The following NRXN1 variants were observed in gnomAD, a reference collection of about 807,000 sequenced individuals.
NRXN1 encodes neurexin 1.
Under a neutral mutation model 150.9 loss-of-function variants are expected in NRXN1, and 39 were observed. The observed-to-expected ratio is 0.26, with a 90% CI of 0.20 to 0.34. NRXN1 has a LOEUF of 0.34. NRXN1 is among the 10% of genes least tolerant of loss of function. NRXN1 has a pLI of 1.00. For missense variants in NRXN1, 1,815 were observed against 1,949.9 expected (o/e 0.93, Z 1.30); for synonymous variants, 924 against 757.0 (o/e 1.22, Z -3.62).
chr2:49,980,587 T>C (rs1176548052), intron 21 of NRXN1, among the ~76,000 whole-genome samples: 5 of 152,134 alleles, frequency 3.3e-5, no homozygotes, highest in African/African-American at 9.7e-5. Flanking sequence ...AGATAAAGTA[T>C]GAAGTATTTT....
At chr2:50,942,136 C>A (rs992668185) in intron 2 of NRXN1, among the ~76,000 whole-genome samples, 1 of 152,198 alleles carries the variant, frequency 6.6e-6, no homozygotes, top group Non-Finnish European at 1.5e-5. Flanking sequence ...CAAGCCTTGG[C>A]AGCTTCCACA....
intron 21 of NRXN1, among the ~76,000 whole-genome samples, chr2:49,951,294 G>A (rs990160943): frequency 3.3e-5 from 5 of 151,780 alleles, no homozygotes; most frequent in African/African-American, 1.2e-4. Flanking sequence ...TACAAATAAG[G>A]AACCTGCTGT....
intron 19 of NRXN1, among the ~76,000 whole-genome samples, chr2:50,056,766 T>C (rs1448200711): frequency 2.0e-5 from 3 of 152,032 alleles, no homozygotes; most frequent in Non-Finnish European, 2.9e-5. Context: ...TGATTTTATA[T>C]AATAAGCATG....
intron 17 of NRXN1, among the ~76,000 whole-genome samples, chr2:50,439,036 G>T (rs565423146): frequency 1.3e-5 from 2 of 152,074 alleles, no homozygotes; most frequent in African/African-American, 4.8e-5. Context: ...CCTCACAGTC[G>T]GCAGGGGCCA....
chr2:50,984,430 C>A (rs1697357813), intron 2 of NRXN1, among the ~76,000 whole-genome samples: 1 of 151,838 alleles, frequency 6.6e-6, no homozygotes, highest in Non-Finnish European at 1.5e-5. Context: ...TTTATGTGGT[C>A]CATTACCGAA....
chr2:50,432,057 G>A (rs879474602), intron 17 of NRXN1, among the ~76,000 whole-genome samples: 3 of 151,630 alleles, frequency 2.0e-5, no homozygotes, highest in African/African-American at 4.8e-5. Flanking sequence ...CTTGCCAAAA[G>A]TATTGCTCGA....
chr2:50,598,411 A>G (rs1345020291), intron 8 of NRXN1, among the ~76,000 whole-genome samples: 1 of 151,712 alleles, frequency 6.6e-6, no homozygotes, highest in African/African-American at 2.4e-5. Context: ...TTAAAAAAAT[A>G]AAAAATAAAA....
chr2:50,175,571 G>C (rs1484997719), intron 18 of NRXN1, among the ~76,000 whole-genome samples: 3 of 151,626 alleles, frequency 2.0e-5, no homozygotes, highest in African/African-American at 7.3e-5. Flanking sequence ...ATACACAAAA[G>C]AATATATGTG....
intron 5 of NRXN1, among the ~76,000 whole-genome samples, chr2:50,888,332 C>G (rs190394451): frequency 2.1e-4 from 32 of 151,612 alleles, no homozygotes; most frequent in African/African-American, 7.5e-4. Flanking sequence ...TAATTGGAGG[C>G]AGGTGAAATT....
intron 5 of NRXN1, among the ~76,000 whole-genome samples, chr2:50,893,790 C>T (rs981570185): frequency 3.3e-5 from 5 of 151,522 alleles, no homozygotes; most frequent in African/African-American, 9.7e-5. Flanking sequence ...AGGATTTTTT[C>T]AACAATTTAT....
At chr2:50,131,427 C>T (rs1384607474) in intron 18 of NRXN1, among the ~76,000 whole-genome samples, 1 of 152,106 alleles carries the variant, frequency 6.6e-6, no homozygotes, top group Non-Finnish European at 1.5e-5. Context: ...CTTGTAAACC[C>T]TAACAAGGTC....
intron 22 of NRXN1, among the ~76,000 whole-genome samples, chr2:49,940,871 T>A (rs1671859871): frequency 6.6e-6 from 1 of 152,166 alleles, no homozygotes; most frequent in Non-Finnish European, 1.5e-5. Flanking sequence ...CAGTGAATGA[T>A]CCCATTAACA....
rs1683554308 is a variant in NRXN1, at chr2:49,999,497, A to T, written c.4128+53774T>A. On this transcript the variant is annotated intron_variant, in intron 21 of 22. Transcript: ENST00000401669. The stretch of plus-strand genomic sequence containing the variant: ...TTTTTTGAAACTATACCTTGCTCAA[A>T]AATGGTTGTTGAATAACTGTAGCAA... 5.3e-5 allele frequency among the ~76,000 whole-genome samples: 8 copies of T among 152,166 alleles called. No homozygotes were observed. The South Asian group carries it at 1.7e-3, about 32-fold the overall frequency.
Position 50,347,206 on chromosome 2 carries a change from C to T in NRXN1, c.3365-110236G>A, listed in dbSNP as rs200556934. 7.4e-7 allele frequency: 1 copy of T among 1,344,710 alleles called. No homozygotes were observed. The highest frequency in any genetic ancestry group is 9.7e-7 in the Non-Finnish European group (1 of 1,026,164). The allele number at this position is 1,344,710 out of a possible 1,614,324, so 83.3% of individuals were successfully genotyped here. The stretch of plus-strand genomic sequence containing the variant: ...AGGGGCTTGTCCGGAAAGGCAGCCC[C>T]GGGAACAGCAAGCGCGGAGCGGGTG... On this transcript the variant is annotated intron_variant, in intron 17 of 22. Coordinates refer to ENST00000401669, the MANE Select transcript of NRXN1 (RefSeq NM_001330078.2). The surrounding 1 kb of genome is among the most constrained non-coding windows in gnomAD (Gnocchi z 4.9).
In NRXN1 at chr2:50,484,163, C is replaced by A. The variant is rs145482609; in HGVS notation, c.3071-11692G>T. Among the ~76,000 whole-genome samples the A allele has an allele frequency of 4.6e-5, 7 of 152,274 alleles. No homozygotes were observed. In the East Asian group the frequency reaches 1.4e-3, roughly 29 times the overall value. On this transcript the variant is annotated intron_variant, in intron 15 of 22. Coordinates refer to ENST00000401669, the MANE Select transcript of NRXN1 (RefSeq NM_001330078.2). ...TGAAAGGACAAAGTAGTATAAAGCA[C>A]ACACAAAAAAACTTACAGACATTGC... is the stretch of plus-strand genomic sequence containing the variant.
At chr2:50,119,836 T>G (rs1399077837) in intron 18 of NRXN1, among the ~76,000 whole-genome samples, 1 of 152,202 alleles carries the variant, frequency 6.6e-6, no homozygotes, top group Non-Finnish European at 1.5e-5. Context: ...TCAGTTTTGC[T>G]CTTAATTTTT....
chr2:50,153,337 G>A (rs1464256772), intron 18 of NRXN1, among the ~76,000 whole-genome samples: 1 of 149,950 alleles, frequency 6.7e-6, no homozygotes, highest in Non-Finnish European at 1.5e-5. Flanking sequence ...CTCTGGCACA[G>A]TTTCTATTTT....
intron 18 of NRXN1, among the ~76,000 whole-genome samples, chr2:50,225,822 G>A (rs1052341039): frequency 6.6e-6 from 1 of 151,888 alleles, no homozygotes; most frequent in African/African-American, 2.4e-5. Flanking sequence ...GCAAATGCTA[G>A]CTAGCTAACC....
chr2:50,650,740 G>C (rs1685493990), intron 5 of NRXN1, among the ~76,000 whole-genome samples: 1 of 152,008 alleles, frequency 6.6e-6, no homozygotes, highest in African/African-American at 2.4e-5. Context: ...CCAACAAACA[G>C]AAATCAGTCT....
Sources: gnomAD v4.1 joint callset for allele counts (sites outside exome capture counted in the v4.1 genomes callset) on GRCh38, gnomAD v4.1.1 for gene constraint, Gnocchi (gnomAD v3.1) non-coding constraint, MANE v1.5 for transcripts, NCBI Gene and HGNC (gene_info 2026-07-23, HGNC 2026-07-21) for gene names.